ITGA9: variants seen among roughly 807,000 people sequenced by gnomAD.
The protein encoded by ITGA9 is integrin subunit alpha 9.
In ITGA9, 56 loss-of-function variants were observed where a neutral mutation model predicts 127.8. That is an observed-to-expected ratio of 0.44 (90% CI 0.35 to 0.55). The LOEUF is 0.55. ITGA9 is among the 20% of genes least tolerant of loss of function. The probability of loss-of-function intolerance (pLI) is 0.00; values close to 1 mark genes in which losing one functional copy is unlikely to be tolerated. For synonymous variants in ITGA9, 508 were observed against 514.5 expected, an observed-to-expected ratio of 0.99 and a Z score of 0.17; for missense variants, 1,196 against 1,347.1, an observed-to-expected ratio of 0.89 and a Z score of 1.76.
Position 37,822,030 on chromosome 3 carries a change from C to T in ITGA9, c.*3041C>T, listed in dbSNP as rs1697520806. On this transcript the variant is annotated 3_prime_UTR_variant, in exon 28 of 28. Coordinates refer to ENST00000264741, the MANE Select transcript of ITGA9 (RefSeq NM_002207.3). ...ACAAGCTCCTTCCCAGCTCAGAAGC[C>T]CTCTCTATGCTCTCAGGGGAAGCAG... 1 of 152,040 alleles carries T rather than the reference C, an allele frequency of 6.6e-6. No individual in the cohort carries two copies. Among genetic ancestry groups the T allele is most frequent in the African/African-American group, 2.4e-5 (1 of 41,396 alleles). 9.4% of individuals were successfully genotyped at this position (152,040 alleles called of 1,614,324 possible).
At chr3:37,695,129 G>A (rs9866251) in intron 18 of ITGA9, among the ~76,000 whole-genome samples, 17,278 of 152,042 alleles carry the variant, frequency 0.11, 2,826 homozygotes, top group African/African-American at 0.36. Context: ...TTGTTCTCCC[G>A]TAAACACCAG....
chr3:37,696,769 G>C (rs1700889264), intron 18 of ITGA9, among the ~76,000 whole-genome samples: 1 of 152,260 alleles, frequency 6.6e-6, no homozygotes, highest in African/African-American at 2.4e-5. Flanking sequence ...TATTCTTGAG[G>C]CATTCCCTCT....
At chr3:37,729,784 A>C (rs1575211422) in intron 18 of ITGA9, among the ~76,000 whole-genome samples, 2 of 145,194 alleles carry the variant, frequency 1.4e-5, no homozygotes, top group Admixed American at 1.4e-4. Flanking sequence ...GCTCACTGCA[A>C]CCTCCACCTC....
intron 18 of ITGA9, among the ~76,000 whole-genome samples, chr3:37,705,752 T>C (rs1700997483): frequency 6.6e-6 from 1 of 152,238 alleles, no homozygotes; most frequent in Non-Finnish European, 1.5e-5. Flanking sequence ...TTTATTTTTC[T>C]TGTGCCTCAT....
chr3:37,810,423 C>T (rs1301363875), intron 27 of ITGA9, among the ~76,000 whole-genome samples: 1 of 144,248 alleles, frequency 6.9e-6, no homozygotes, highest in Non-Finnish European at 1.5e-5. Context: ...TAGTCTGTTT[C>T]TTTTTTTTTT....
At chr3:37,750,411 G>A in intron 22 of ITGA9, 51 bp from the exon 23 acceptor site, 2 of 1,015,302 alleles carry the variant, frequency 2.0e-6, no homozygotes, top group Non-Finnish European at 1.6e-6. Context: ...ACAGGAAATG[G>A]AGGTCTGCTA....
At chr3:37,764,331 C>G (rs1024353791) in intron 23 of ITGA9, among the ~76,000 whole-genome samples, 1 of 152,054 alleles carries the variant, frequency 6.6e-6, no homozygotes, top group African/African-American at 2.4e-5. Flanking sequence ...CCCTCCTCAT[C>G]ATGAATCATT....
chr3:37,765,156 A>G (rs957976807), intron 23 of ITGA9, among the ~76,000 whole-genome samples: 5 of 152,074 alleles, frequency 3.3e-5, no homozygotes, highest in Non-Finnish European at 5.9e-5. Context: ...TCAGACACAC[A>G]GTCACCCCTT....
chr3:37,790,024 T>C (rs1397594976), intron 26 of ITGA9: 3 of 583,182 alleles, frequency 5.1e-6, no homozygotes, highest in Non-Finnish European at 9.5e-6. Context: ...TAATTGGTAT[T>C]CTTGCGCTAT....
intron 18 of ITGA9, among the ~76,000 whole-genome samples, chr3:37,730,996 C>G (rs1415615602): frequency 2.0e-5 from 3 of 152,296 alleles, no homozygotes; most frequent in African/African-American, 7.2e-5. Flanking sequence ...TGGGGACAGA[C>G]ATATTTTAAG....
chr3:37,658,764 C>G (rs1444673854), intron 17 of ITGA9, among the ~76,000 whole-genome samples: 1 of 152,184 alleles, frequency 6.6e-6, no homozygotes, highest in Non-Finnish European at 1.5e-5. Flanking sequence ...TTAATTGATG[C>G]AGCTTCTTCA....
At chr3:37,492,573 T>C (rs1698684458) in intron 4 of ITGA9, among the ~76,000 whole-genome samples, 1 of 152,170 alleles carries the variant, frequency 6.6e-6, no homozygotes, top group African/African-American at 2.4e-5. Flanking sequence ...TTCTCAAATC[T>C]CCCATTTTTT....
chr3:37,791,261 G>T (rs925733765), intron 26 of ITGA9, among the ~76,000 whole-genome samples: 1 of 152,172 alleles, frequency 6.6e-6, no homozygotes, highest in African/African-American at 2.4e-5. Flanking sequence ...ATGAATTCTT[G>T]CTATTTTCTT....
chr3:37,651,543 C>T (rs1233230270), intron 16 of ITGA9, among the ~76,000 whole-genome samples: 1 of 152,190 alleles, frequency 6.6e-6, no homozygotes, highest in African/African-American at 2.4e-5. Flanking sequence ...CAAGCAAGAC[C>T]AGTACAGTGC....
intron 15 of ITGA9, among the ~76,000 whole-genome samples, chr3:37,613,890 A>G (rs921564590): frequency 3.3e-5 from 5 of 152,260 alleles, no homozygotes; most frequent in Middle Eastern, 6.8e-3. Context: ...GTAGATTGCA[A>G]AAATTTTCTC....
At chr3:37,776,235 A>G (rs1324069444) in intron 23 of ITGA9, among the ~76,000 whole-genome samples, 1 of 152,204 alleles carries the variant, frequency 6.6e-6, no homozygotes, top group Non-Finnish European at 1.5e-5. Context: ...ATTGGGTACT[A>G]GGCTTAGTAC....
At chr3:37,772,236 T>C (rs1455111096) in intron 23 of ITGA9, among the ~76,000 whole-genome samples, 3 of 151,998 alleles carry the variant, frequency 2.0e-5, no homozygotes, top group Non-Finnish European at 4.4e-5. Flanking sequence ...TGAAACCCCA[T>C]CTCTACTAAA....
chr3:37,572,358 C>G (rs1166651242), intron 15 of ITGA9, among the ~76,000 whole-genome samples: 1 of 152,122 alleles, frequency 6.6e-6, no homozygotes. Context: ...AGGAAAATGA[C>G]CGCAAGAAGG....
chr3:37,496,174 C>G (rs1223415910), intron 5 of ITGA9, among the ~76,000 whole-genome samples: 2 of 152,180 alleles, frequency 1.3e-5, no homozygotes, highest in Admixed American at 6.5e-5. Context: ...AATATAGTGT[C>G]TGATCCAGAA....
Sources: gnomAD v4.1 joint callset for allele counts (sites outside exome capture counted in the v4.1 genomes callset) on GRCh38, gnomAD v4.1.1 for gene constraint, MANE v1.5 for transcripts, NCBI Gene and HGNC (gene_info 2026-07-23, HGNC 2026-07-21) for gene names.